Variants in PLA2G10 observed in about 807,000 individuals in gnomAD.
The protein encoded by PLA2G10 is group 10 secretory phospholipase A2.
In PLA2G10, 9 loss-of-function variants were observed where a neutral mutation model predicts 7.9. That is an observed-to-expected ratio of 1.14 (90% CI 0.68 to 1.98). The LOEUF (loss-of-function observed/expected upper bound fraction) is 1.98, where lower values mean the gene tolerates loss of function less well. PLA2G10 is among the 30% of genes most tolerant of loss of function. The pLI is 0.00. For missense variants in PLA2G10, 53 were observed against 65.4 expected (o/e 0.81, Z 0.66); for synonymous variants, 19 against 27.5 (o/e 0.69, Z 0.97).
At chr16:14,676,941 A>G (rs1273265752) in intron 3 of PLA2G10, among the ~76,000 whole-genome samples, 1 of 152,136 alleles carries the variant, frequency 6.6e-6, no homozygotes, top group Non-Finnish European at 1.5e-5. Flanking sequence ...AAAGGCATAC[A>G]GAGTGGTATA....
intron 3 of PLA2G10, among the ~76,000 whole-genome samples, chr16:14,684,000 C>A (rs1015339934): frequency 6.6e-6 from 1 of 152,104 alleles, no homozygotes; most frequent in Non-Finnish European, 1.5e-5. Flanking sequence ...CTTTCAGAGG[C>A]AGACAGGCAG....
intron 3 of PLA2G10, among the ~76,000 whole-genome samples, chr16:14,682,619 A>G (rs1960923786): frequency 6.6e-6 from 1 of 152,150 alleles, no homozygotes; most frequent in Non-Finnish European, 1.5e-5. Flanking sequence ...TAACGCTTAC[A>G]ATAGCCTCTT....
intron 3 of PLA2G10, among the ~76,000 whole-genome samples, chr16:14,675,392 C>A (rs1317915880): frequency 6.6e-6 from 1 of 151,998 alleles, no homozygotes; most frequent in African/African-American, 2.4e-5. Context: ...CTTGGAAAAA[C>A]TCCCCTGGAC....
chr16:14,680,878 T>C (rs1041777719), intron 3 of PLA2G10, among the ~76,000 whole-genome samples: 2 of 151,960 alleles, frequency 1.3e-5, no homozygotes, highest in Non-Finnish European at 2.9e-5. Flanking sequence ...AGAAAAGCCT[T>C]AGAAAAGCCA....
intron 3 of PLA2G10, among the ~76,000 whole-genome samples, chr16:14,679,529 A>G (rs758018288): frequency 3.7e-4 from 56 of 152,074 alleles, no homozygotes; most frequent in South Asian, 1.0e-3. Flanking sequence ...GTGTGGTGGC[A>G]CATGCCTGTA....
intron 3 of PLA2G10, among the ~76,000 whole-genome samples, chr16:14,675,514 T>C (rs1960702316): frequency 6.6e-6 from 1 of 152,172 alleles, no homozygotes; most frequent in Admixed American, 6.6e-5. Flanking sequence ...GCAAAAGAAG[T>C]AATCATCAGA....
intron 3 of PLA2G10, chr16:14,678,684 C>A (rs781757556): frequency 2.6e-6 from 1 of 390,716 alleles, no homozygotes. Context: ...GTGCGAGGAT[C>A]GCTTGAGCCC....
At chr16:14,686,352 T>C (rs1046635680) in intron 3 of PLA2G10, among the ~76,000 whole-genome samples, 6 of 152,164 alleles carry the variant, frequency 3.9e-5, no homozygotes, top group African/African-American at 1.2e-4. Context: ...TGACTAGCTC[T>C]TCAGATAACT....
intron 3 of PLA2G10, among the ~76,000 whole-genome samples, chr16:14,676,539 C>G (rs551005164): frequency 2.6e-5 from 4 of 151,952 alleles, no homozygotes; most frequent in Non-Finnish European, 5.9e-5. Flanking sequence ...ATTAGCCAGG[C>G]GTGGTGGCGC....
At chr16:14,682,982 T>C (rs1050167698) in intron 3 of PLA2G10, among the ~76,000 whole-genome samples, 6 of 151,988 alleles carry the variant, frequency 3.9e-5, no homozygotes, top group African/African-American at 1.2e-4. Flanking sequence ...GGCAAGATAA[T>C]CACTTCAACC....
intron 3 of PLA2G10, among the ~76,000 whole-genome samples, chr16:14,679,081 C>A (rs968205062): frequency 6.6e-6 from 1 of 152,098 alleles, no homozygotes; most frequent in Non-Finnish European, 1.5e-5. Context: ...TTTCTCTCAC[C>A]CCAACCACTC....
intron 3 of PLA2G10, among the ~76,000 whole-genome samples, chr16:14,686,150 CA>C (rs1048509120): frequency 5.3e-5 from 8 of 151,712 alleles, no homozygotes; most frequent in African/African-American, 1.9e-4. Context: ...CACACCACCA[CA>C]CCGTGCTAGT....
intron 3 of PLA2G10, among the ~76,000 whole-genome samples, chr16:14,681,467 A>G (rs1213594525): frequency 1.3e-5 from 2 of 152,030 alleles, no homozygotes; most frequent in Non-Finnish European, 2.9e-5. Flanking sequence ...TTCCGCCAAC[A>G]GCAAGACCTG....
At chr16:14,686,727 T>C (rs1961078696) in intron 3 of PLA2G10, among the ~76,000 whole-genome samples, 1 of 152,120 alleles carries the variant, frequency 6.6e-6, no homozygotes, top group South Asian at 2.1e-4. Context: ...ACTCCTGGCC[T>C]CAAGTGATCC....
At chr16:14,687,589 A>C (rs1267412876) in intron 3 of PLA2G10, among the ~76,000 whole-genome samples, 1 of 152,130 alleles carries the variant, frequency 6.6e-6, no homozygotes, top group African/African-American at 2.4e-5. Flanking sequence ...CTTTCTGATA[A>C]ACATTTACAC....
intron 3 of PLA2G10, among the ~76,000 whole-genome samples, chr16:14,676,456 G>A (rs183863938): frequency 2.2e-3 from 329 of 152,204 alleles, no homozygotes; most frequent in Admixed American, 5.7e-3. Context: ...CGAGGTGGGC[G>A]GATCACGAGG....
chr16:14,677,237 G>T (rs779954562), intron 3 of PLA2G10, among the ~76,000 whole-genome samples: 4 of 152,152 alleles, frequency 2.6e-5, no homozygotes. Flanking sequence ...GGGATAGATG[G>T]ATCCCTCATC....
At chr16:14,684,900 G>C (rs866100811) in intron 3 of PLA2G10, among the ~76,000 whole-genome samples, 2 of 152,056 alleles carry the variant, frequency 1.3e-5, no homozygotes, top group African/African-American at 2.4e-5. Flanking sequence ...ATTGAAACCA[G>C]GTACTCAAAT....
intron 3 of PLA2G10, among the ~76,000 whole-genome samples, chr16:14,675,474 G>A (rs1960701135): frequency 6.6e-6 from 1 of 151,952 alleles, no homozygotes. Flanking sequence ...AAATAAATAG[G>A]ACTTAATTAA....
Sources: gnomAD v4.1 joint callset for allele counts (sites outside exome capture counted in the v4.1 genomes callset) on GRCh38, gnomAD v4.1.1 for gene constraint, MANE v1.5 for transcripts, NCBI Gene and HGNC (gene_info 2026-07-23, HGNC 2026-07-21) for gene names.